SCN11A: variants seen among roughly 807,000 people sequenced by gnomAD.
SCN11A encodes the protein sodium voltage-gated channel alpha subunit 11, also known as sodium channel protein type 11 subunit alpha.
SCN11A carries 122 observed loss-of-function variants against 162.2 expected under a neutral mutation model. The ratio of observed to expected loss-of-function variants is 0.75; its 90% CI spans 0.65 to 0.87. The LOEUF (loss-of-function observed/expected upper bound fraction) is 0.87, where lower values mean the gene tolerates loss of function less well. SCN11A is among the 40% of genes least tolerant of loss of function. SCN11A has a pLI of 0.00. For missense variants in SCN11A, 2,015 were observed against 2,181.6 expected (o/e 0.92, Z 1.52); for synonymous variants, 758 against 751.5 (o/e 1.01, Z -0.14).
intron 26 of SCN11A, among the ~76,000 whole-genome samples, chr3:38,868,948 G>C (rs2065082886): frequency 6.6e-6 from 1 of 152,178 alleles, no homozygotes; most frequent in African/African-American, 2.4e-5. Context: ...CTTGCAGCAA[G>C]GGATGGGAGT....
At chr3:38,969,900 C>G (rs531843322) in intron 2 of SCN11A, among the ~76,000 whole-genome samples, 4 of 152,206 alleles carry the variant, frequency 2.6e-5, no homozygotes, top group Admixed American at 6.5e-5. Context: ...ACAAACCCCC[C>G]AATCTACCTC....
At chr3:38,914,609 TG>T (rs2065933551) in intron 11 of SCN11A, among the ~76,000 whole-genome samples, 1 of 152,226 alleles carries the variant, frequency 6.6e-6, no homozygotes, top group African/African-American at 2.4e-5. Flanking sequence ...TTCAGTATGA[TG>T]TTGGCTGTAG....
chr3:38,901,387 T>C (rs2065696508), intron 16 of SCN11A, among the ~76,000 whole-genome samples: 1 of 152,220 alleles, frequency 6.6e-6, no homozygotes, highest in Non-Finnish European at 1.5e-5. Context: ...CATACAGTGA[T>C]GCCTGTCCTA....
At chr3:38,985,188 C>T (rs561163495) in intron 2 of SCN11A, among the ~76,000 whole-genome samples, 7 of 142,516 alleles carry the variant, frequency 4.9e-5, no homozygotes, top group Non-Finnish European at 1.0e-4. Context: ...AGTGCAGTGG[C>T]GCAGTCTCAG....
rs573448701 is a variant in SCN11A at position 39,004,792 on chromosome 3, A to G, written c.-280+27588T>C. ...TAATTATATGTAGAATTCCAGGTTG[A>G]CGATTTTTTTCTTTCCACTCTTCAT... is the stretch of plus-strand genomic sequence containing the variant. On this transcript the variant is annotated intron_variant, in intron 2 of 29. Transcript: ENST00000302328. Among the ~76,000 whole-genome samples the G allele has an allele frequency of 3.3e-5, 5 of 152,208 alleles. No homozygotes were observed. In the East Asian group the frequency reaches 9.7e-4, roughly 29 times the overall value.
chr3:38,925,421 C>T lies in SCN11A; in HGVS notation c.706G>A (p.Val236Ile), dbSNP rs1457251208. The change falls in exon 9 of 30, where the codon GTT becomes ATT. Residue 236 changes from valine to isoleucine, a missense_variant. Transcript: ENST00000302328. ...GAAAGTGAGAGTGACTTACGTGAAA[C>T]TACTGAAATTGCTTTCAAAGCTCTG... ...VFRALKAISV[V>I]SRLKVIVGAL... 1.9e-6 allele frequency: 3 copies of T among 1,605,260 alleles called. No homozygotes were observed. The highest frequency in any genetic ancestry group is 1.3e-5 in the African/African-American group (1 of 74,668).
intron 17 of SCN11A, among the ~76,000 whole-genome samples, chr3:38,898,680 G>A (rs1187260342): frequency 2.0e-5 from 3 of 152,124 alleles, no homozygotes; most frequent in South Asian, 4.1e-4. Flanking sequence ...TGTTTTATAG[G>A]TTGTTTCTTA....
At chr3:38,921,732 C>T (rs1254449550) in intron 9 of SCN11A, among the ~76,000 whole-genome samples, 1 of 151,920 alleles carries the variant, frequency 6.6e-6, no homozygotes, top group South Asian at 2.1e-4. Context: ...TTGTCTAGAC[C>T]CAAATTATGA....
chr3:39,042,972 A>G (rs930922985), intron 1 of SCN11A, among the ~76,000 whole-genome samples: 2 of 141,474 alleles, frequency 1.4e-5, no homozygotes, highest in Admixed American at 7.1e-5. Flanking sequence ...AAAAAAAAAA[A>G]AAAAAAAGAA....
At chr3:38,923,251 C>T (rs146546145) in intron 9 of SCN11A, among the ~76,000 whole-genome samples, 1 of 152,064 alleles carries the variant, frequency 6.6e-6, no homozygotes, top group Non-Finnish European at 1.5e-5. Flanking sequence ...GGGGCTCAGA[C>T]CTTGGTCCTC....
At chr3:38,963,475 A>G (rs116486771) in intron 2 of SCN11A, among the ~76,000 whole-genome samples, 2,343 of 140,362 alleles carry the variant, frequency 0.017, 82 homozygotes, top group African/African-American at 0.06. Context: ...TATGATGGAG[A>G]TATATATATA....
chr3:38,925,872 G>A (rs758572516), intron 8 of SCN11A, among the ~76,000 whole-genome samples: 2 of 152,196 alleles, frequency 1.3e-5, no homozygotes, highest in Non-Finnish European at 1.5e-5. Flanking sequence ...GCCACTACAT[G>A]GTCAAGCCTG....
At chr3:38,921,665 A>G (rs1419524480) in intron 9 of SCN11A, among the ~76,000 whole-genome samples, 1 of 152,216 alleles carries the variant, frequency 6.6e-6, no homozygotes, top group Non-Finnish European at 1.5e-5. Flanking sequence ...CTACTGTCAA[A>G]GTACTTGAGT....
In SCN11A at chr3:38,882,568, A is replaced by G. The variant is rs370520850; in HGVS notation, c.3219+665T>C. 1.6e-4 allele frequency among the ~76,000 whole-genome samples: 24 copies of G among 152,302 alleles called. No homozygotes were observed. The South Asian group carries it at 4.3e-3, about 28-fold the overall frequency. ...CGAAATATGCAGGTGATAAGAGAAA[A>G]GATACTATCCCTCCCTAGCAGGGAG... On this transcript the variant is annotated intron_variant, in intron 22 of 29. Transcript: ENST00000302328.
intron 1 of SCN11A, among the ~76,000 whole-genome samples, chr3:39,043,072 A>C (rs1047127348): frequency 6.6e-6 from 1 of 152,190 alleles, no homozygotes; most frequent in East Asian, 1.9e-4. Context: ...AAAGTGCTCA[A>C]CATCATTAAT....
chr3:38,970,346 A>T (rs925141880), intron 2 of SCN11A, among the ~76,000 whole-genome samples: 1 of 152,134 alleles, frequency 6.6e-6, no homozygotes. Context: ...TCTCCATCTC[A>T]TCAAGCAATT....
intron 18 of SCN11A, among the ~76,000 whole-genome samples, chr3:38,896,455 G>A (rs1343224214): frequency 1.3e-5 from 2 of 152,098 alleles, no homozygotes; most frequent in Non-Finnish European, 2.9e-5. Context: ...GAAGTAAAAC[G>A]ATCATTTTTT....
chr3:38,992,057 T>G (rs747783994), intron 2 of SCN11A, among the ~76,000 whole-genome samples: 2 of 152,030 alleles, frequency 1.3e-5, no homozygotes, highest in Non-Finnish European at 2.9e-5. Context: ...GATCTGCCCA[T>G]CTCGGCCTCC....
At chr3:38,999,857 A>C (rs77246798) in intron 2 of SCN11A, among the ~76,000 whole-genome samples, 2,132 of 152,280 alleles carry the variant, frequency 0.014, 18 homozygotes, top group Non-Finnish European at 0.018. Flanking sequence ...AATACTCTGA[A>C]AATGAGGTTC....
Sources: gnomAD v4.1 joint callset for allele counts (sites outside exome capture counted in the v4.1 genomes callset) on GRCh38, gnomAD v4.1.1 for gene constraint, MANE v1.5 for transcripts, NCBI Gene and HGNC (gene_info 2026-07-23, HGNC 2026-07-21) for gene names.